The following RBBP6 variants were observed in gnomAD, a reference collection of about 807,000 sequenced individuals.
RBBP6 encodes E3 ubiquitin-protein ligase RBBP6.
A neutral mutation model predicts 167.7 loss-of-function variants in RBBP6; 25 were observed. That is an observed-to-expected ratio of 0.15 (90% CI 0.11 to 0.21). RBBP6 has a LOEUF of 0.21. RBBP6 is among the 10% of genes least tolerant of loss of function. RBBP6 has a pLI of 1.00. For synonymous variants in RBBP6, 789 were observed against 735.8 expected (o/e 1.07, Z -1.17); for missense variants, 1,868 against 2,134.2 (o/e 0.88, Z 2.46).
intron 1 of RBBP6, among the ~76,000 whole-genome samples, chr16:24,541,205 C>CAAAAAAAAAAAAAAAAA (rs933107246): frequency 6.3e-5 from 5 of 79,294 alleles, no homozygotes; most frequent in South Asian, 4.3e-4. Context: ...AAAAAAAAAC[C>CAAAAAAAAAAAAAAAAA]AAAAAAACAA....
chr16:24,546,016 T>A, intron 1 of RBBP6, 147 bp from the exon 2 acceptor site: 1 of 1,270,834 alleles, frequency 7.9e-7, no homozygotes, highest in Non-Finnish European at 1.0e-6. Flanking sequence ...ATGTTTGTTC[T>A]GACAATATCA....
intron 4 of RBBP6, 37 bp downstream of exon 4, chr16:24,553,594 T>G (rs1898848994): frequency 6.8e-7 from 1 of 1,469,770 alleles, no homozygotes; most frequent in East Asian, 2.3e-5. Flanking sequence ...ATATAAGTTT[T>G]TTTCTAACAT....
Position 24,569,320 on chromosome 16 carries a change from G to A in RBBP6, c.2630G>A (p.Arg877Lys). 6.2e-7 allele frequency: 1 copy of A among 1,612,428 alleles called. No homozygotes were observed. The change falls in exon 17 of 18, where the codon AGA (arginine) becomes AAA (lysine). Residue 877 changes from arginine to lysine, a missense_variant. Arg to Lys is a conservative substitution (Grantham distance 26). Coordinates refer to ENST00000319715, the MANE Select transcript of RBBP6 (RefSeq NM_006910.5). Reference protein sequence around the residue: ...PLNIRNSPFTRGRREDYVGGQ... With the variant: ...PLNIRNSPFTKGRREDYVGGQ... ...AACATCAGGAATTCTCCCTTCACAAGAGGCCGCAGAGAAGACTATGTTGGT... is the reference window on the plus strand; with the variant it reads ...AACATCAGGAATTCTCCCTTCACAAAAGGCCGCAGAGAAGACTATGTTGGT...
At chr16:24,543,774 G>A (rs987937391) in intron 1 of RBBP6, among the ~76,000 whole-genome samples, 6 of 152,006 alleles carry the variant, frequency 3.9e-5, no homozygotes, top group Non-Finnish European at 5.9e-5. Context: ...AACATCCTTC[G>A]TTCTGAAATT....
chr16:24,541,205 C>CAAAAAAAAAAAAAAAAAA (rs933107246), intron 1 of RBBP6, among the ~76,000 whole-genome samples: 7 of 79,302 alleles, frequency 8.8e-5, no homozygotes, highest in African/African-American at 2.1e-4. Context: ...AAAAAAAAAC[C>CAAAAAAAAAAAAAAAAAA]AAAAAAACAA....
chr16:24,546,779 A>G (rs960909206), intron 2 of RBBP6, among the ~76,000 whole-genome samples: 5 of 152,174 alleles, frequency 3.3e-5, no homozygotes, highest in Non-Finnish European at 7.4e-5. Context: ...GCTTCATACC[A>G]GTTGTGTGAC....
Position 24,570,729 on chromosome 16 carries a change from G to T in RBBP6, c.3810-147G>T, listed in dbSNP as rs148562532. 7.3e-5 allele frequency: 59 copies of T among 803,612 alleles called. 1 individual carries two copies. The Middle Eastern group carries it at 3.2e-3, about 44-fold the overall frequency. The allele number at this position is 803,612 out of a possible 1,614,324, so 49.8% of individuals were successfully genotyped here. ...TGATACAATCATAATCTTAAATTGT[G>T]TGTCTTCCTTAGGGCAGAATAAGTT... On this transcript the variant is annotated intron_variant, in intron 17 of 17. Coordinates refer to ENST00000319715, the MANE Select transcript of RBBP6 (RefSeq NM_006910.5).
Position 24,572,666 on chromosome 16 carries a change from G to A in RBBP6, c.*221G>A. The A allele has an allele frequency of 1.9e-6, 1 of 523,164 alleles. No homozygotes were observed. The highest frequency in any genetic ancestry group is 3.7e-5 in the East Asian group (1 of 26,676). The allele number at this position is 523,164 out of a possible 1,614,324, so 32.4% of individuals were successfully genotyped here. A position where few individuals can be genotyped will look rare whatever the true frequency, so the allele number is the denominator to read the frequency against. On this transcript the variant is annotated 3_prime_UTR_variant, in exon 18 of 18. Transcript: ENST00000319715. ...CATGTAACATGAGAGGTTTTGCTAG[G>A]GCCTATTATTTTTAACCACCATTAA...
intron 2 of RBBP6, 94 bp from the exon 3 acceptor site, chr16:24,548,850 TA>T: frequency 1.9e-6 from 2 of 1,049,016 alleles, no homozygotes; most frequent in Non-Finnish European, 2.8e-6. Context: ...ATTAGGTTCC[TA>T]AAAATGTATT....
At chr16:24,562,305 T>C in intron 10 of RBBP6, 144 bp downstream of exon 10, 1 of 798,068 alleles carries the variant, frequency 1.3e-6, no homozygotes, top group South Asian at 1.8e-5. Context: ...GACTTAGTCT[T>C]ATTGGGGGAA....
At chr16:24,567,974 A>G in intron 16 of RBBP6, 81 bp downstream of exon 16, 2 of 1,191,696 alleles carry the variant, frequency 1.7e-6, no homozygotes, top group Middle Eastern at 1.9e-4. Context: ...TATAAAGAAC[A>G]TTGCACTTAG....
intron 14 of RBBP6, 64 bp from the exon 15 acceptor site, chr16:24,567,079 T>TCC: frequency 4.0e-6 from 6 of 1,484,804 alleles, no homozygotes; most frequent in Non-Finnish European, 5.5e-6. Context: ...ATAGAAGAGA[T>TCC]AAGCTTACTT....
At position 24,571,274 on chromosome 16, in the gene RBBP6, C is replaced by G; in HGVS notation, c.4208C>G (p.Thr1403Ser). The G allele has an allele frequency of 6.2e-7, 1 of 1,612,476 alleles. No homozygotes were observed. Among genetic ancestry groups the G allele is most frequent in the Non-Finnish European group, 8.5e-7 (1 of 1,179,658 alleles). ...TCTGCATCTAGTGAAAAAGGGAAAA[C>G]CAAAGATCGAGATTATTCAGTGTTG... The part of the protein sequence containing the change: ...KNSASSEKGK[T>S]KDRDYSVLEK... Residue 1403 changes from threonine (T) to serine (S), a missense_variant, in exon 18 of 18, where the codon ACC becomes AGC. This residue lies in a region of RBBP6 where 591 missense variants were observed against 540.5 expected (regional missense o/e 1.09). Coordinates refer to ENST00000319715, the MANE Select transcript of RBBP6 (RefSeq NM_006910.5).
intron 7 of RBBP6, among the ~76,000 whole-genome samples, chr16:24,556,731 A>G (rs1898920283): frequency 6.6e-6 from 1 of 152,130 alleles, no homozygotes; most frequent in African/African-American, 2.4e-5. Flanking sequence ...TCATTCACAT[A>G]CATACTCCCA....
In RBBP6 at chr16:24,570,865, A is replaced by G. The variant is rs1555473767; in HGVS notation, c.3810-11A>G. 15 of 1,434,248 alleles carry G rather than the reference A, an allele frequency of 1.0e-5. No individual in the cohort carries two copies. Among genetic ancestry groups the G allele is most frequent in the South Asian group, 3.5e-5 (2 of 57,684 alleles). 88.8% of individuals were successfully genotyped at this position (1,434,248 alleles called of 1,614,324 possible). On this transcript the variant is annotated splice_polypyrimidine_tract_variant and intron_variant, in intron 17 of 17. Coordinates refer to ENST00000319715, the MANE Select transcript of RBBP6 (RefSeq NM_006910.5). ...CTTCATTAATTAAAAATATTTTGTTATTCTTTTTAGTACGAGCTCAACTGG... is the reference window on the plus strand; with the variant it reads ...CTTCATTAATTAAAAATATTTTGTTGTTCTTTTTAGTACGAGCTCAACTGG...
rs758432396 is a variant in RBBP6, at chr16:24,570,928, A to T, written c.3862A>T (p.Thr1288Ser). Residue 1288 changes from threonine (T) to serine (S), a missense_variant, in exon 18 of 18, where the codon ACA (threonine) becomes TCA (serine). Thr to Ser is a moderately conservative substitution (Grantham distance 58). This residue lies in a region of RBBP6 where 673 missense variants were observed against 691.5 expected (regional missense o/e 0.97). Transcript: ENST00000319715. Reference sequence around the variant, plus strand: ...GCGGAAATCTGAAGAAAAAACAGATACAAAGCGAACTGTGATTAAAACGAT... The same window carrying T: ...GCGGAAATCTGAAGAAAAAACAGATTCAAAGCGAACTGTGATTAAAACGAT... Reference protein sequence around the residue: ...PVRKSEEKTDTKRTVIKTMEE... With the variant: ...PVRKSEEKTDSKRTVIKTMEE... 3.1e-6 allele frequency: 5 copies of T among 1,595,264 alleles called. No individual in the cohort carries two copies. The highest frequency in any genetic ancestry group is 4.3e-6 in the Non-Finnish European group (5 of 1,166,314).
chr16:24,542,172 G>T (rs1388930530), intron 1 of RBBP6, among the ~76,000 whole-genome samples: 1 of 152,174 alleles, frequency 6.6e-6, no homozygotes. Flanking sequence ...AAAACTGGTG[G>T]TGGTCATGAA....
At chr16:24,552,964 G>A (rs1296035201) in intron 3 of RBBP6, 3 of 151,664 alleles carry the variant, frequency 2.0e-5, no homozygotes. Flanking sequence ...AGAAAGCTGT[G>A]GTTTCTTTGA....
chr16:24,547,844 CA>C (rs1898696365), intron 2 of RBBP6, among the ~76,000 whole-genome samples: 1 of 152,232 alleles, frequency 6.6e-6, no homozygotes, highest in African/African-American at 2.4e-5. Context: ...TAAAAAATGG[CA>C]AATGTATTTT....
Sources: allele counts gnomAD v4.1 joint callset (sites outside exome capture counted in the v4.1 genomes callset), GRCh38; gene constraint gnomAD v4.1.1; regional missense constraint gnomAD v4.1.1; transcripts MANE v1.5; gene names NCBI Gene and HGNC (gene_info 2026-07-23, HGNC 2026-07-21).